The following PAPOLG variants were observed in gnomAD, a reference collection of about 807,000 sequenced individuals.
PAPOLG encodes PAP-gamma.
Under a neutral mutation model 99.0 loss-of-function variants are expected in PAPOLG, and 40 were observed. The observed-to-expected ratio is 0.40, with a 90% CI of 0.31 to 0.53. The LOEUF (loss-of-function observed/expected upper bound fraction) is 0.53, where lower values mean the gene tolerates loss of function less well. PAPOLG is among the 20% of genes least tolerant of loss of function. The probability of loss-of-function intolerance (pLI) is 0.41; values close to 1 mark genes in which losing one functional copy is unlikely to be tolerated. For synonymous variants in PAPOLG, 310 were observed against 299.3 expected (o/e 1.04, Z -0.37); for missense variants, 675 against 884.1 (o/e 0.76, Z 3.00).
intron 14 of PAPOLG, among the ~76,000 whole-genome samples, chr2:60,787,277 G>A (rs1671391333): frequency 2.6e-5 from 4 of 152,066 alleles, no homozygotes. Context: ...ACAATATTTG[G>A]AGCATCTTTA....
chr2:60,776,880 T>G lies in PAPOLG; in HGVS notation c.694+1757T>G, dbSNP rs541398632. ...GGCTGTTTCATCTACATTGATAATT[T>G]GTTGTTTAGTGTAGCCACCTTCATC... On this transcript the variant is annotated intron_variant, in intron 8 of 21. Transcript: ENST00000238714. 1.0e-3 allele frequency among the ~76,000 whole-genome samples: 152 copies of G among 152,364 alleles called. 1 individual carries two copies. The highest frequency in any genetic ancestry group is 1.6e-3 in the Non-Finnish European group (111 of 68,034).
intron 8 of PAPOLG, among the ~76,000 whole-genome samples, chr2:60,775,698 CA>C (rs1056678931): frequency 1.3e-5 from 2 of 151,922 alleles, no homozygotes; most frequent in African/African-American, 4.8e-5. Flanking sequence ...TGCAGTAAAG[CA>C]AATTACAATT....
At position 60,756,350 on chromosome 2, in the gene PAPOLG, G is replaced by GT; in HGVS notation, c.-128dup. The GT allele has an allele frequency of 8.5e-7, 1 of 1,181,708 alleles. No homozygotes were observed. 73.2% of individuals were successfully genotyped at this position (1,181,708 alleles called of 1,614,324 possible). A position where few individuals can be genotyped will look rare whatever the true frequency, so the allele number is the denominator to read the frequency against. On this transcript the variant is annotated 5_prime_UTR_variant, in exon 1 of 22. Transcript: ENST00000238714. ...TACTCGGTTGGATGCCTCAGCCATAGTAAGTGGGAAAGTGAGCGAGCAAGC... is the reference window on the plus strand; with the variant it reads ...TACTCGGTTGGATGCCTCAGCCATAGTTAAGTGGGAAAGTGAGCGAGCAAGC...
chr2:60,784,550 A>G (rs2103807907), intron 13 of PAPOLG, among the ~76,000 whole-genome samples: 1 of 152,314 alleles, frequency 6.6e-6, no homozygotes, highest in Admixed American at 6.5e-5. Flanking sequence ...ACTTCTGGAA[A>G]AGCAAAACAG....
chr2:60,779,372 T>G (rs1671122843), intron 8 of PAPOLG, among the ~76,000 whole-genome samples: 1 of 152,188 alleles, frequency 6.6e-6, no homozygotes, highest in Non-Finnish European at 1.5e-5. Flanking sequence ...GGCAAAGAAC[T>G]GAGGTGTCTG....
In PAPOLG at chr2:60,765,544, C is replaced by A. The variant is rs994489606; in HGVS notation, c.247-2926C>A. On this transcript the variant is annotated intron_variant, in intron 3 of 21. Transcript: ENST00000238714. ...GAGCCACCACTCACAGCCTGTAATT[C>A]TCTTTATGTATATTTTACTTTGGAA... Among the ~76,000 whole-genome samples, 6 of 152,112 alleles carry A rather than the reference C, an allele frequency of 3.9e-5. No homozygotes were observed. In the South Asian group the frequency reaches 6.2e-4, roughly 16 times the overall value.
chr2:60,782,143 G>T (rs940108399), intron 11 of PAPOLG, 138 bp downstream of exon 11: 367 of 944,784 alleles, frequency 3.9e-4, no homozygotes, highest in Non-Finnish European at 2.7e-4. Context: ...TGGTTATTTT[G>T]TTTTTTAGTA....
chr2:60,761,625 T>TA, intron 2 of PAPOLG, 116 bp from the exon 3 acceptor site: 1 of 828,724 alleles, frequency 1.2e-6, no homozygotes, highest in Non-Finnish European at 2.0e-6. Context: ...CATTATCACA[T>TA]ATATGTTATG....
Position 60,760,214 on chromosome 2 carries a change from T to C in PAPOLG, c.98T>C (p.Ile33Thr), listed in dbSNP as rs367863384. ...SPISLASPKE[I>T]DHIYTQKLID... Reference sequence around the variant, plus strand: ...ATTAGTTTGGCATCTCCTAAAGAAATTGATCATATTTACACACAGAAATTA... The same window carrying C: ...ATTAGTTTGGCATCTCCTAAAGAAACTGATCATATTTACACACAGAAATTA... The change falls in exon 2 of 22, where the codon ATT becomes ACT. Residue 33 changes from isoleucine (I) to threonine (T), a missense_variant. Ile to Thr is a moderately conservative substitution (Grantham distance 89). Around this residue, in one of 3 missense-constraint regions of PAPOLG, gnomAD observed 149 missense variants for 192.1 expected, o/e 0.78. Coordinates refer to ENST00000238714, the MANE Select transcript of PAPOLG (RefSeq NM_022894.4). 11 of 1,613,856 alleles carry C rather than the reference T, an allele frequency of 6.8e-6. No individual in the cohort carries two copies. The African/African-American group carries it at 1.2e-4, about 18-fold the overall frequency.
chr2:60,781,202 A>T (rs1250807039), intron 10 of PAPOLG, among the ~76,000 whole-genome samples: 3 of 152,108 alleles, frequency 2.0e-5, no homozygotes, highest in African/African-American at 7.2e-5. Flanking sequence ...CTGAAAATAT[A>T]AAAAATTAGC....
chr2:60,797,034 T>A, intron 21 of PAPOLG, 28 bp from the exon 22 acceptor site: 2 of 1,612,308 alleles, frequency 1.2e-6, no homozygotes, highest in Non-Finnish European at 1.7e-6. Flanking sequence ...GTGCTTTTCC[T>A]TTTTTGTTTC....
At chr2:60,758,596 T>G (rs1031732225) in intron 1 of PAPOLG, among the ~76,000 whole-genome samples, 8 of 151,854 alleles carry the variant, frequency 5.3e-5, no homozygotes, top group African/African-American at 1.5e-4. Context: ...CCCAGCTAAT[T>G]TTTTGTATTT....
intron 15 of PAPOLG, among the ~76,000 whole-genome samples, chr2:60,788,092 A>G (rs1037558859): frequency 3.9e-5 from 6 of 152,040 alleles, no homozygotes; most frequent in African/African-American, 1.4e-4. Context: ...TCCAAGATAT[A>G]TTAAGTGGGG....
At chr2:60,790,316 A>G (rs1297181907) in intron 15 of PAPOLG, among the ~76,000 whole-genome samples, 1 of 152,210 alleles carries the variant, frequency 6.6e-6, no homozygotes, top group Non-Finnish European at 1.5e-5. Context: ...ATAAATTTAT[A>G]AGATATTATT....
chr2:60,774,225 G>A (rs1475867781), intron 7 of PAPOLG, among the ~76,000 whole-genome samples: 1 of 151,702 alleles, frequency 6.6e-6, no homozygotes. Flanking sequence ...TGACTGCCAA[G>A]GTACCTGCAG....
intron 17 of PAPOLG, 49 bp from the exon 18 acceptor site, chr2:60,793,578 A>T: frequency 1.3e-6 from 2 of 1,594,192 alleles, no homozygotes; most frequent in Non-Finnish European, 8.6e-7. Context: ...AAGGAGAAAA[A>T]AAGTAATATT....
intron 1 of PAPOLG, among the ~76,000 whole-genome samples, chr2:60,758,328 GTTTTTTTTTTTTT>G (rs61243299): frequency 1.4e-5 from 1 of 71,340 alleles, no homozygotes; most frequent in African/African-American, 5.7e-5. Context: ...GGTTTCTGGG[GTTTTTTTTTTTTT>G]TTTTTTTTTT....
At position 60,770,529 on chromosome 2, in the gene PAPOLG, T is replaced by C; in HGVS notation, c.492+18T>C. On this transcript the variant is annotated intron_variant, in intron 6 of 21. Transcript: ENST00000238714. ...GTATTGAAGTAAGTGTTTAATATTT[T>C]TCTGACTTTACAATTGAACTGTTTA... 1 of 1,503,622 alleles carries C rather than the reference T, an allele frequency of 6.7e-7. No homozygotes were observed. The highest frequency in any genetic ancestry group is 9.2e-7 in the Non-Finnish European group (1 of 1,092,710). The allele number at this position is 1,503,622 out of a possible 1,614,324, so 93.1% of individuals were successfully genotyped here. A position where few individuals can be genotyped will look rare whatever the true frequency, so the allele number is the denominator to read the frequency against.
At chr2:60,787,468 AAATAAT>A (rs753913079) in intron 14 of PAPOLG, 37 bp from the exon 15 acceptor site, 15 of 1,558,490 alleles carry the variant, frequency 9.6e-6, no homozygotes, top group Non-Finnish European at 1.3e-5. Context: ...AAGTTGTAAA[AAATAAT>A]AATAATTAAT....
Sources: gnomAD v4.1 joint callset for allele counts (sites outside exome capture counted in the v4.1 genomes callset) on GRCh38, gnomAD v4.1.1 for gene constraint, gnomAD v4.1.1 regional missense constraint, MANE v1.5 for transcripts, NCBI Gene and HGNC (gene_info 2026-07-23, HGNC 2026-07-21) for gene names.